Variants in NELL2 observed in about 807,000 individuals in gnomAD.
The protein encoded by NELL2 is protein kinase C-binding protein NELL2.
In NELL2, 41 loss-of-function variants were observed where a neutral mutation model predicts 109.6. That is an observed-to-expected ratio of 0.37 (90% CI 0.29 to 0.49). The LOEUF is 0.49. Ranked by LOEUF, NELL2 falls within the 20% of genes least tolerant of loss-of-function variation. The pLI is 0.98. For missense variants in NELL2, 900 were observed against 1,008.3 expected, an observed-to-expected ratio of 0.89 and a Z score of 1.45; for synonymous variants, 355 against 344.7, an observed-to-expected ratio of 1.03 and a Z score of -0.33.
intron 19 of NELL2, among the ~76,000 whole-genome samples, chr12:44,514,517 A>G (rs912579384): frequency 6.6e-6 from 1 of 151,592 alleles, no homozygotes; most frequent in African/African-American, 2.4e-5. Context: ...GTATATTATT[A>G]TAATTATATT....
chr12:44,838,253 C>T (rs771883211), intron 2 of NELL2, among the ~76,000 whole-genome samples: 12 of 151,962 alleles, frequency 7.9e-5, no homozygotes, highest in Non-Finnish European at 7.4e-5. Flanking sequence ...AATTTGGTAC[C>T]ATGGTGTTCC....
At chr12:44,666,048 G>C (rs1380069627) in intron 12 of NELL2, among the ~76,000 whole-genome samples, 1 of 152,120 alleles carries the variant, frequency 6.6e-6, no homozygotes, top group East Asian at 1.9e-4. Context: ...AACCAGAATT[G>C]TAACAACTTC....
intron 15 of NELL2, among the ~76,000 whole-genome samples, chr12:44,568,500 T>C (rs1943743358): frequency 6.6e-6 from 1 of 152,136 alleles, no homozygotes; most frequent in South Asian, 2.1e-4. Flanking sequence ...TTACATTCTA[T>C]ATTTTTACAG....
At chr12:44,695,012 C>A (rs1203891736) in intron 12 of NELL2, among the ~76,000 whole-genome samples, 1 of 141,162 alleles carries the variant, frequency 7.1e-6, no homozygotes, top group Middle Eastern at 3.5e-3. Flanking sequence ...AGAAAGGAGG[C>A]CAAAGGGGTA....
At chr12:44,624,732 G>A (rs1324675142) in intron 13 of NELL2, among the ~76,000 whole-genome samples, 2 of 151,850 alleles carry the variant, frequency 1.3e-5, no homozygotes, top group East Asian at 1.9e-4. Flanking sequence ...TAGCCTCCAG[G>A]GCCTCTAGGA....
At chr12:44,871,659 CA>C (rs1428267260) in intron 2 of NELL2, among the ~76,000 whole-genome samples, 6 of 152,182 alleles carry the variant, frequency 3.9e-5, no homozygotes, top group Non-Finnish European at 7.4e-5. Context: ...ATACTGAAGA[CA>C]AATTAGTGCC....
intron 8 of NELL2, 26 bp downstream of exon 8, chr12:44,775,996 A>C: frequency 6.2e-7 from 1 of 1,605,484 alleles, no homozygotes; most frequent in South Asian, 1.1e-5. Context: ...GAGTTCCCTT[A>C]GTCTCAACTC....
intron 12 of NELL2, among the ~76,000 whole-genome samples, chr12:44,686,960 G>A (rs1003054787): frequency 1.2e-4 from 18 of 152,310 alleles, no homozygotes; most frequent in African/African-American, 4.1e-4. Flanking sequence ...TAGCTTCCCT[G>A]CTGCTTTGTT....
intron 2 of NELL2, among the ~76,000 whole-genome samples, chr12:44,821,013 C>A (rs1943524318): frequency 6.6e-6 from 1 of 150,408 alleles, no homozygotes; most frequent in Non-Finnish European, 1.5e-5. Flanking sequence ...AAGTCAGTAG[C>A]ACAGCAGGGG....
chr12:44,816,572 TG>T (rs771184466), intron 2 of NELL2, among the ~76,000 whole-genome samples: 56 of 152,174 alleles, frequency 3.7e-4, no homozygotes, highest in Non-Finnish European at 7.1e-4. Context: ...GACAGAAAAC[TG>T]GATTTAAATC....
At chr12:44,605,440 C>G (rs1945364146) in intron 15 of NELL2, among the ~76,000 whole-genome samples, 1 of 152,186 alleles carries the variant, frequency 6.6e-6, no homozygotes, top group South Asian at 2.1e-4. Flanking sequence ...TTGGCTGCCA[C>G]AGACAGCTAT....
chr12:44,787,753 T>C (rs1424092860), intron 3 of NELL2, among the ~76,000 whole-genome samples: 5 of 130,950 alleles, frequency 3.8e-5, no homozygotes, highest in African/African-American at 1.4e-4. Flanking sequence ...CATCCAAATG[T>C]TAAGGGAAAA....
intron 13 of NELL2, among the ~76,000 whole-genome samples, chr12:44,650,749 CTCTGTCTT>C (rs959201501): frequency 2.9e-5 from 3 of 103,368 alleles, no homozygotes; most frequent in African/African-American, 1.6e-4. Flanking sequence ...CCAGAGAGGT[CTCTGTCTT>C]TCTTTCTTTC....
chr12:44,633,273 GA>G (rs1383947728), intron 13 of NELL2, among the ~76,000 whole-genome samples: 1 of 152,040 alleles, frequency 6.6e-6, no homozygotes, highest in Non-Finnish European at 1.5e-5. Context: ...GAAGAGGAGA[GA>G]AAAAAGCCAG....
intron 9 of NELL2, among the ~76,000 whole-genome samples, chr12:44,769,739 G>A (rs1941471982): frequency 6.6e-6 from 1 of 152,110 alleles, no homozygotes; most frequent in Non-Finnish European, 1.5e-5. Context: ...AGACTGAATT[G>A]TGGTACATAA....
At chr12:44,878,607 T>A (rs946865713), upstream of NELL2, among the ~76,000 whole-genome samples, 2 of 152,226 alleles carry the variant, frequency 1.3e-5, no homozygotes, top group Admixed American at 6.5e-5. Context: ...ACTATATCTC[T>A]TTGTGAAGCT....
rs138904383 is a variant in NELL2, at chr12:44,518,446, C to T, written c.2400+1559G>A. On this transcript the variant is annotated intron_variant, in intron 19 of 19. Coordinates refer to ENST00000429094, the MANE Select transcript of NELL2 (RefSeq NM_001145108.2). ...TTTTTTAGTAGAGACGGGGTTTCAC[C>T]GTGTTAGCCAGGATGGTCTCGATCT... Among the ~76,000 whole-genome samples, 403 of 152,084 alleles carry T rather than the reference C, an allele frequency of 2.6e-3. 8 individuals carry two copies. The East Asian group carries it at 0.068, about 26-fold the overall frequency.
At chr12:44,638,330 T>C (rs1247944647) in intron 13 of NELL2, among the ~76,000 whole-genome samples, 5 of 152,260 alleles carry the variant, frequency 3.3e-5, no homozygotes, top group African/African-American at 7.2e-5. Flanking sequence ...ATGTCTCATA[T>C]CATAGATAGC....
chr12:44,869,041 A>C (rs1945090247), intron 2 of NELL2, among the ~76,000 whole-genome samples: 1 of 152,192 alleles, frequency 6.6e-6, no homozygotes, highest in South Asian at 2.1e-4. Context: ...ACAAAACATA[A>C]AACAAAAACA....
Sources: gnomAD v4.1 joint callset for allele counts (sites outside exome capture counted in the v4.1 genomes callset) on GRCh38, gnomAD v4.1.1 for gene constraint, MANE v1.5 for transcripts, NCBI Gene and HGNC (gene_info 2026-07-23, HGNC 2026-07-21) for gene names.